The following FUT8 variants were observed in gnomAD, a reference collection of about 807,000 sequenced individuals.
FUT8 encodes the protein alpha-(1,6)-fucosyltransferase.
In FUT8, 29 loss-of-function variants were observed where a neutral mutation model predicts 71.3. That is an observed-to-expected ratio of 0.41 (90% CI 0.30 to 0.55). FUT8 has a LOEUF of 0.55. Ranked by LOEUF, FUT8 falls within the 20% of genes least tolerant of loss-of-function variation. FUT8 has a pLI of 0.34. For synonymous variants in FUT8, 254 were observed against 239.3 expected (o/e 1.06, Z -0.57); for missense variants, 544 against 702.1 (o/e 0.77, Z 2.55).
At chr14:65,440,387 C>G (rs1336095598) in intron 1 of FUT8, among the ~76,000 whole-genome samples, 1 of 151,124 alleles carries the variant, frequency 6.6e-6, no homozygotes, top group Non-Finnish European at 1.5e-5. Flanking sequence ...CACTGTGTTG[C>G]CCAGGCTTAT....
the FUT8 span, among the ~76,000 whole-genome samples, chr14:65,357,483 C>A: frequency 6.6e-6 from 1 of 152,224 alleles, no homozygotes; most frequent in Non-Finnish European, 1.5e-5. Flanking sequence ...CTTTAGGGCT[C>A]TGCAGCCTAA....
At chr14:65,485,334 C>G (rs2066392877) in intron 2 of FUT8, among the ~76,000 whole-genome samples, 2 of 151,894 alleles carry the variant, frequency 1.3e-5, no homozygotes, top group African/African-American at 4.8e-5. Context: ...GTTAGATATT[C>G]TTTTATTATT....
chr14:65,519,596 G>A (rs1485992536), intron 2 of FUT8, among the ~76,000 whole-genome samples: 1 of 151,964 alleles, frequency 6.6e-6, no homozygotes, highest in Non-Finnish European at 1.5e-5. Context: ...AAATGTTTCT[G>A]GATAAATTTT....
chr14:65,588,819 C>T (rs1234155095), intron 3 of FUT8, among the ~76,000 whole-genome samples: 1 of 152,130 alleles, frequency 6.6e-6, no homozygotes, highest in Non-Finnish European at 1.5e-5. Context: ...AATCTCTTAG[C>T]TGTGCCTAAT....
At chr14:65,399,947 A>G in the FUT8 span, among the ~76,000 whole-genome samples, 8 of 152,362 alleles carry the variant, frequency 5.3e-5, no homozygotes, top group South Asian at 1.2e-3. Context: ...CCACTTATTC[A>G]ATAACTGTTC....
chr14:65,704,789 T>A (rs1428442580), intron 7 of FUT8, among the ~76,000 whole-genome samples: 1 of 152,212 alleles, frequency 6.6e-6, no homozygotes, highest in Non-Finnish European at 1.5e-5. Context: ...AAATCTCTTT[T>A]GTCTTTTTTC....
At chr14:65,447,944 C>T (rs982420756) in intron 1 of FUT8, among the ~76,000 whole-genome samples, 4 of 152,132 alleles carry the variant, frequency 2.6e-5, no homozygotes, top group African/African-American at 9.7e-5. Flanking sequence ...ATAACCAGCT[C>T]CTGGGCTCCT....
At chr14:65,700,617 T>C (rs1012050017) in intron 7 of FUT8, among the ~76,000 whole-genome samples, 1 of 152,110 alleles carries the variant, frequency 6.6e-6, no homozygotes, top group Non-Finnish European at 1.5e-5. Flanking sequence ...TCCAGGATGG[T>C]CTCGATCTCC....
intron 1 of FUT8, among the ~76,000 whole-genome samples, chr14:65,444,603 A>C (rs1376451834): frequency 1.3e-5 from 2 of 152,242 alleles, no homozygotes; most frequent in Non-Finnish European, 2.9e-5. Flanking sequence ...ATGATGTACC[A>C]ATTATAAAAA....
At chr14:65,656,320 A>C (rs1200878123) in intron 6 of FUT8, among the ~76,000 whole-genome samples, 1 of 151,820 alleles carries the variant, frequency 6.6e-6, no homozygotes, top group Non-Finnish European at 1.5e-5. Context: ...CACAAATATC[A>C]GTATTGTTTC....
At chr14:65,435,048 G>T (rs780240492) in intron 1 of FUT8, among the ~76,000 whole-genome samples, 1 of 151,958 alleles carries the variant, frequency 6.6e-6, no homozygotes, top group Admixed American at 6.6e-5. Flanking sequence ...TTACTTTTCC[G>T]AATGTCATAC....
intron 2 of FUT8, among the ~76,000 whole-genome samples, chr14:65,482,641 C>T (rs192399504): frequency 4.7e-4 from 71 of 152,238 alleles, no homozygotes; most frequent in African/African-American, 1.5e-3. Context: ...GTCATGAAAT[C>T]GGGTCACGTT....
At chr14:65,625,731 C>T (rs1285704140) in intron 5 of FUT8, among the ~76,000 whole-genome samples, 8 of 152,118 alleles carry the variant, frequency 5.3e-5, no homozygotes, top group Non-Finnish European at 1.0e-4. Context: ...CAAAGTTGTT[C>T]CACTATTAAT....
chr14:65,608,903 T>G (rs1888727806), intron 3 of FUT8, among the ~76,000 whole-genome samples: 1 of 152,032 alleles, frequency 6.6e-6, no homozygotes, highest in South Asian at 2.1e-4. Flanking sequence ...AAACATTTAT[T>G]TAAATCTTTT....
At chr14:65,521,239 CTG>C (rs1445979247) in intron 2 of FUT8, among the ~76,000 whole-genome samples, 3 of 151,918 alleles carry the variant, frequency 2.0e-5, no homozygotes, top group African/African-American at 7.2e-5. Flanking sequence ...TATAGAAAAA[CTG>C]AAACAAAATG....
chr14:65,668,404 CTT>C, intron 6 of FUT8, among the ~76,000 whole-genome samples: 1 of 152,082 alleles, frequency 6.6e-6, no homozygotes, highest in East Asian at 1.9e-4. Flanking sequence ...AAGACAGACT[CTT>C]TTCAAAAGAC....
At chr14:65,633,898 G>C (rs1444836392) in intron 6 of FUT8, among the ~76,000 whole-genome samples, 1 of 151,780 alleles carries the variant, frequency 6.6e-6, no homozygotes, top group African/African-American at 2.4e-5. Context: ...AGGGAGGTGG[G>C]GGTCAGCCCC....
Position 65,607,284 on chromosome 14 carries a change from G to C in FUT8, c.204-8694G>C, listed in dbSNP as rs1888636558. Reference sequence around the variant, plus strand: ...CTTCTATTGTTCTTAGATTTAAAAGGAATGCTACTGATGAGTTGATCCATA... The same window carrying C: ...CTTCTATTGTTCTTAGATTTAAAAGCAATGCTACTGATGAGTTGATCCATA... On this transcript the variant is annotated intron_variant, in intron 3 of 10. Coordinates refer to ENST00000673929, the MANE Select transcript of FUT8 (RefSeq NM_001371533.1). The surrounding 1 kb of genome is among the most constrained non-coding windows in gnomAD (Gnocchi z 4.1). 1.3e-5 allele frequency among the ~76,000 whole-genome samples: 2 copies of C among 151,828 alleles called. No homozygotes were observed. Among genetic ancestry groups the C allele is most frequent in the Non-Finnish European group, 2.9e-5 (2 of 67,898 alleles).
At chr14:65,618,010 CATATATATATATATATAT>C (rs149450437) in intron 5 of FUT8, among the ~76,000 whole-genome samples, 4,964 of 87,046 alleles carry the variant, frequency 0.057, 196 homozygotes, top group East Asian at 0.13. Context: ...AAAATTAATT[CATATATATATATATATAT>C]ATATATATAT....
Sources: allele counts gnomAD v4.1 joint callset (sites outside exome capture counted in the v4.1 genomes callset), GRCh38; gene constraint gnomAD v4.1.1; non-coding constraint Gnocchi (gnomAD v3.1); transcripts MANE v1.5; gene names NCBI Gene and HGNC (gene_info 2026-07-23, HGNC 2026-07-21).